LRP5: variants seen among roughly 807,000 people sequenced by gnomAD.
LRP5 encodes the protein low-density lipoprotein receptor-related protein 5.
Under a neutral mutation model 154.1 loss-of-function variants are expected in LRP5, and 62 were observed. The ratio of observed to expected loss-of-function variants is 0.40; its 90% CI spans 0.33 to 0.50. LRP5 has a LOEUF of 0.50. Ranked by LOEUF, LRP5 falls within the 20% of genes least tolerant of loss-of-function variation. The pLI, the probability that LRP5 is intolerant of heterozygous loss-of-function variation, is 0.55. For missense variants in LRP5, 1,915 were observed against 2,336.7 expected (o/e 0.82, Z 3.72); for synonymous variants, 966 against 1,011.5 (o/e 0.96, Z 0.85).
At chr11:68,344,062 G>A (rs1489133993) in intron 1 of LRP5, among the ~76,000 whole-genome samples, 1 of 152,020 alleles carries the variant, frequency 6.6e-6, no homozygotes. Flanking sequence ...GACTTCACCC[G>A]CAGCCCAGTC....
intron 18 of LRP5, among the ~76,000 whole-genome samples, chr11:68,436,358 C>A (rs2098674921): frequency 6.6e-6 from 1 of 152,076 alleles, no homozygotes; most frequent in Non-Finnish European, 1.5e-5. Context: ...AGGCAGCCGT[C>A]AGCGCCCTGG....
At chr11:68,444,039 G>A (rs1057039214) in intron 21 of LRP5, among the ~76,000 whole-genome samples, 2 of 152,108 alleles carry the variant, frequency 1.3e-5, no homozygotes, top group Non-Finnish European at 2.9e-5. Context: ...TAGATTTGAT[G>A]AGCAAGGTGG....
intron 5 of LRP5, among the ~76,000 whole-genome samples, chr11:68,383,050 C>T (rs2098641142): frequency 6.6e-6 from 1 of 151,962 alleles, no homozygotes; most frequent in African/African-American, 2.4e-5. Context: ...GCATATTTTT[C>T]TATTTTTAGT....
intron 16 of LRP5, among the ~76,000 whole-genome samples, chr11:68,429,132 A>C (rs998035124): frequency 6.8e-6 from 1 of 147,464 alleles, no homozygotes; most frequent in Non-Finnish European, 1.5e-5. Flanking sequence ...GCATGCCTGT[A>C]GTCCCAGCTA....
chr11:68,442,579 C>A (rs949254218), intron 21 of LRP5, among the ~76,000 whole-genome samples: 2 of 152,170 alleles, frequency 1.3e-5, no homozygotes, highest in Non-Finnish European at 2.9e-5. Flanking sequence ...CCTGGGCTGA[C>A]ATATGTGTTT....
chr11:68,362,197 T>A (rs1359417210), intron 3 of LRP5, among the ~76,000 whole-genome samples: 4 of 152,146 alleles, frequency 2.6e-5, no homozygotes, highest in African/African-American at 9.7e-5. Context: ...GTGATTCCGT[T>A]TATATGAGAT....
chr11:68,341,056 G>GTTTTTTTTTTTTTTTTT (rs1466472469), intron 1 of LRP5, among the ~76,000 whole-genome samples: 1 of 51,454 alleles, frequency 1.9e-5, no homozygotes, highest in Admixed American at 2.3e-4. Context: ...GCTGGAGATT[G>GTTTTTTTTTTTTTTTTT]TTCTTTTTTT....
At chr11:68,436,118 C>T (rs558939353) in intron 18 of LRP5, among the ~76,000 whole-genome samples, 1 of 152,232 alleles carries the variant, frequency 6.6e-6, no homozygotes, top group African/African-American at 2.4e-5. Context: ...GTGTGCCCCG[C>T]GGTGCTGGTG....
intron 22 of LRP5, chr11:68,446,909 G>C (rs1380721009): frequency 5.6e-6 from 2 of 357,536 alleles, no homozygotes; most frequent in Non-Finnish European, 1.1e-5. Context: ...CCCCCTCTTG[G>C]TGGCTCTGTC....
At chr11:68,414,393 G>A (rs2098661360) in intron 12 of LRP5, among the ~76,000 whole-genome samples, 2 of 152,160 alleles carry the variant, frequency 1.3e-5, no homozygotes, top group South Asian at 4.1e-4. Context: ...TCACGTACAA[G>A]GAACCCGATG....
At chr11:68,339,008 G>A (rs906398760) in intron 1 of LRP5, among the ~76,000 whole-genome samples, 1 of 150,626 alleles carries the variant, frequency 6.6e-6, no homozygotes, top group Non-Finnish European at 1.5e-5. Context: ...CGAGTAGCTG[G>A]GATTACAGGC....
intron 2 of LRP5, among the ~76,000 whole-genome samples, chr11:68,349,102 G>C (rs1486719486): frequency 2.1e-5 from 3 of 145,800 alleles, no homozygotes; most frequent in South Asian, 2.2e-4. Flanking sequence ...GCACAATCTC[G>C]GCTCACTGCA....
rs779303324 is a variant in LRP5 at position 68,403,481 on chromosome 11, A to G, written c.1585-2A>G. The G allele has an allele frequency of 6.2e-7, 1 of 1,613,812 alleles. No individual in the cohort carries two copies. The highest frequency in any genetic ancestry group is 8.5e-7 in the Non-Finnish European group (1 of 1,179,800). ...CAGACCTATATTTCTGCCGTCCTGC[A>G]GGTGATCAATGTTGATGGGACGAAG... On this transcript the variant is annotated splice_acceptor_variant, in intron 7 of 22. Coordinates refer to ENST00000294304, the MANE Select transcript of LRP5 (RefSeq NM_002335.4). LOFTEE classifies it high-confidence loss of function.
At chr11:68,439,707 G>A (rs1037189745) in intron 20 of LRP5, 70 bp from the exon 21 acceptor site, 13 of 1,514,916 alleles carry the variant, frequency 8.6e-6, no homozygotes, top group Non-Finnish European at 9.9e-6. Context: ...AGAGGAGAGC[G>A]CCCTATGTCT....
At chr11:68,348,770 C>T (rs2098615869) in intron 2 of LRP5, among the ~76,000 whole-genome samples, 1 of 152,114 alleles carries the variant, frequency 6.6e-6, no homozygotes, top group Admixed American at 6.5e-5. Context: ...ATGGTGAGAC[C>T]CCATTTCTAC....
chr11:68,315,409 G>A (rs2098592534), intron 1 of LRP5, among the ~76,000 whole-genome samples: 1 of 152,210 alleles, frequency 6.6e-6, no homozygotes, highest in Non-Finnish European at 1.5e-5. Context: ...GCCCTCGGGG[G>A]CAGGAGTAGT....
intron 1 of LRP5, among the ~76,000 whole-genome samples, chr11:68,316,342 G>T (rs1471583831): frequency 6.6e-6 from 1 of 152,002 alleles, no homozygotes. Flanking sequence ...TGCGATCTTG[G>T]CTCACTGCAA....
Position 68,312,779 on chromosome 11 carries a change from T to C in LRP5, c.65T>C (p.Leu22Pro). 9.2e-7 allele frequency: 1 copy of C among 1,081,682 alleles called. No homozygotes were observed. The allele number at this position is 1,081,682 out of a possible 1,614,324, so 67.0% of individuals were successfully genotyped here. ...LLLLLLLLLA[L>P]CGCPAPAAAS... Reference sequence around the variant, plus strand: ...CTGCTGCTGCTGCTGCTGCTGGCGCTGTGCGGCTGCCCGGCCCCCGCCGCG... The same window carrying C: ...CTGCTGCTGCTGCTGCTGCTGGCGCCGTGCGGCTGCCCGGCCCCCGCCGCG... The change falls in exon 1 of 23, where the codon CTG becomes CCG. Residue 22 changes from leucine (L) to proline (P), a missense_variant. Leu to Pro is a moderately conservative substitution (Grantham distance 98). This residue lies in a region of LRP5 where 48 missense variants were observed against 25.7 expected (regional missense o/e 1.87). Transcript: ENST00000294304.
chr11:68,353,936 C>A lies in LRP5; in HGVS notation c.489-3714C>A, dbSNP rs916868928. Among the ~76,000 whole-genome samples, 2 of 152,172 alleles carry A rather than the reference C, an allele frequency of 1.3e-5. No individual in the cohort carries two copies. The highest frequency in any genetic ancestry group is 2.9e-5 in the Non-Finnish European group (2 of 68,022). ...GAGGGAAGGCACATCCCTCCCAGGC[C>A]CAGGGTACCCATGTGGGTGGCAGAG... On this transcript the variant is annotated intron_variant, in intron 2 of 22. Transcript: ENST00000294304. This position sits in a 1 kb window ranked among gnomAD's most constrained non-coding sequence, Gnocchi z 4.5.
Sources: gnomAD v4.1 joint callset for allele counts (sites outside exome capture counted in the v4.1 genomes callset) on GRCh38, gnomAD v4.1.1 for gene constraint, gnomAD v4.1.1 regional missense constraint, Gnocchi (gnomAD v3.1) non-coding constraint, MANE v1.5 for transcripts, NCBI Gene and HGNC (gene_info 2026-07-23, HGNC 2026-07-21) for gene names.